The following UTP20 variants were observed in gnomAD, a reference collection of about 807,000 sequenced individuals.
UTP20 encodes the protein UTP20 small subunit processome component.
Under a neutral mutation model 329.5 loss-of-function variants are expected in UTP20, and 164 were observed. That is an observed-to-expected ratio of 0.50 (90% CI 0.44 to 0.57). UTP20 has a LOEUF of 0.57. UTP20 is among the 20% of genes least tolerant of loss of function. The pLI, the probability that UTP20 is intolerant of heterozygous loss-of-function variation, is 0.00. For synonymous variants in UTP20, 1,151 were observed against 1,159.3 expected (o/e 0.99, Z 0.14); for missense variants, 3,055 against 3,284.2 (o/e 0.93, Z 1.71).
rs1869190329 is a variant in UTP20, at chr12:101,342,929, C to T, written c.4297-12C>T. 1.9e-6 allele frequency: 3 copies of T among 1,610,176 alleles called. No homozygotes were observed. The highest frequency in any genetic ancestry group is 2.5e-6 in the Non-Finnish European group (3 of 1,178,912). ...GCCTTCTTTTATATAACTTCAATGG[C>T]ATTTCTTATAGCTTAACGCCTTCGA... is the stretch of plus-strand genomic sequence containing the variant. On this transcript the variant is annotated splice_polypyrimidine_tract_variant and intron_variant, in intron 34 of 61. Coordinates refer to ENST00000261637, the MANE Select transcript of UTP20 (RefSeq NM_014503.3).
At chr12:101,303,322 A>G (rs558911359) in intron 15 of UTP20, among the ~76,000 whole-genome samples, 3 of 152,376 alleles carry the variant, frequency 2.0e-5, no homozygotes, top group South Asian at 2.1e-4. Flanking sequence ...AGTAAACTAT[A>G]TAGCGTGTTA....
chr12:101,280,459 G>T lies in UTP20; in HGVS notation c.45+132G>T. The T allele has an allele frequency of 5.4e-6, 6 of 1,115,938 alleles. No individual in the cohort carries two copies. In the South Asian group the frequency reaches 8.7e-5, roughly 16 times the overall value. 69.1% of individuals were successfully genotyped at this position (1,115,938 alleles called of 1,614,324 possible). A position where few individuals can be genotyped will look rare whatever the true frequency, so the allele number is the denominator to read the frequency against. On this transcript the variant is annotated intron_variant, in intron 1 of 61. Coordinates refer to ENST00000261637, the MANE Select transcript of UTP20 (RefSeq NM_014503.3). ...CACTTTCCTGGAGGCTCCGGCGAAA[G>T]AGGGAGACACTGGATGTAGTAAACA...
intron 48 of UTP20, 142 bp downstream of exon 48, chr12:101,368,118 G>C (rs1870159023): frequency 1.7e-6 from 1 of 594,818 alleles, no homozygotes; most frequent in East Asian, 2.8e-5. Flanking sequence ...GTTTTTTGGG[G>C]TTTTTGGGTT....
At position 101,366,607 on chromosome 12, in the gene UTP20, C is replaced by T. The variant is rs947252322; in HGVS notation, c.6175C>T (p.Leu2059Phe). The change falls in exon 47 of 62, where the codon CTT becomes TTT. Residue 2059 changes from leucine (L) to phenylalanine (F), a missense_variant. This residue lies in a region of UTP20 where 2,445 missense variants were observed against 2,575.5 expected (regional missense o/e 0.95). Coordinates refer to ENST00000261637, the MANE Select transcript of UTP20 (RefSeq NM_014503.3). ...PDPRLPPQSC[L>F]LLPPTPVRGG... ...TCCACGTCTACCACCCCAGAGCTGC[C>T]TTCTGCTTCCCCCAACTCCAGTTCG... 2 of 1,614,172 alleles carry T rather than the reference C, an allele frequency of 1.2e-6. No individual in the cohort carries two copies. Among genetic ancestry groups the T allele is most frequent in the African/African-American group, 1.3e-5 (1 of 75,048 alleles).
intron 14 of UTP20, among the ~76,000 whole-genome samples, chr12:101,302,219 C>T (rs1872539332): frequency 6.6e-6 from 1 of 152,162 alleles, no homozygotes; most frequent in Admixed American, 6.6e-5. Context: ...GTATGAGCCA[C>T]CATGACCAGC....
intron 22 of UTP20, among the ~76,000 whole-genome samples, chr12:101,318,392 T>C (rs1873043938): frequency 6.6e-6 from 1 of 152,226 alleles, no homozygotes; most frequent in South Asian, 2.1e-4. Context: ...AGTTCATCCA[T>C]TCAACAACTG....
chr12:101,313,508 G>C (rs970666129), intron 21 of UTP20, among the ~76,000 whole-genome samples: 11 of 152,150 alleles, frequency 7.2e-5, no homozygotes, highest in Non-Finnish European at 1.5e-4. Flanking sequence ...GTTGAGAATA[G>C]ACTGTAGAAT....
At chr12:101,359,253 A>T (rs553084337) in intron 43 of UTP20, among the ~76,000 whole-genome samples, 2 of 151,976 alleles carry the variant, frequency 1.3e-5, no homozygotes, top group African/African-American at 4.8e-5. Context: ...TTTAGTAGAG[A>T]TGGAGTTTCA....
At position 101,329,363 on chromosome 12, in the gene UTP20, C is replaced by G. The variant is rs1868677186; in HGVS notation, c.3331C>G (p.Leu1111Val). ...LEIVLKNISH[L>V]ISAYLPKILQ... is the part of the protein sequence containing the mutation. ...GATAGTATTGAAAAACATTAGTCAT[C>G]TGATCAGCGCATACCTGCCGAAGAT... Residue 1111 changes from leucine to valine, a missense_variant, in exon 27 of 62, where the codon CTG becomes GTG. Transcript: ENST00000261637. The G allele has an allele frequency of 6.2e-7, 1 of 1,614,096 alleles. No individual in the cohort carries two copies. The highest frequency in any genetic ancestry group is 1.1e-5 in the South Asian group (1 of 91,068).
chr12:101,324,562 G>A (rs1436704522), intron 25 of UTP20, among the ~76,000 whole-genome samples: 1 of 152,090 alleles, frequency 6.6e-6, no homozygotes, highest in Non-Finnish European at 1.5e-5. Flanking sequence ...GAGCCACCAC[G>A]TCCAGCCAGA....
At chr12:101,384,837 G>A (rs1448451415) in intron 60 of UTP20, among the ~76,000 whole-genome samples, 2 of 152,270 alleles carry the variant, frequency 1.3e-5, no homozygotes, top group South Asian at 4.1e-4. Context: ...AATGGTAAAG[G>A]TTGAGGCTGC....
At chr12:101,298,350 G>A (rs80296737) in intron 12 of UTP20, among the ~76,000 whole-genome samples, 7,093 of 152,180 alleles carry the variant, frequency 0.047, 548 homozygotes, top group African/African-American at 0.16. Context: ...GAGAGGGAAC[G>A]TTTGGTCCAA....
intron 26 of UTP20, among the ~76,000 whole-genome samples, chr12:101,327,710 C>G (rs1868614570): frequency 6.6e-6 from 1 of 152,198 alleles, no homozygotes; most frequent in Non-Finnish European, 1.5e-5. Flanking sequence ...ACAATCTCTG[C>G]CCTCAACCTG....
chr12:101,309,141 C>A (rs1024579431), intron 18 of UTP20, among the ~76,000 whole-genome samples: 4 of 152,162 alleles, frequency 2.6e-5, no homozygotes, highest in Non-Finnish European at 5.9e-5. Context: ...TCAGTCAGAG[C>A]AGTTCTTCTC....
At chr12:101,306,525 AC>A (rs1872644927) in intron 16 of UTP20, among the ~76,000 whole-genome samples, 173 bp from the exon 17 acceptor site, 1 of 152,200 alleles carries the variant, frequency 6.6e-6, no homozygotes, top group Non-Finnish European at 1.5e-5. Context: ...TACTATTTTA[AC>A]TAGGTGTTGG....
chr12:101,344,206 A>T (rs1222735015), intron 35 of UTP20, among the ~76,000 whole-genome samples: 1 of 152,250 alleles, frequency 6.6e-6, no homozygotes, highest in East Asian at 1.9e-4. Context: ...CCCTACACTC[A>T]CTTTGACATT....
At position 101,367,852 on chromosome 12, in the gene UTP20, T is replaced by C. The variant is rs1870145836; in HGVS notation, c.6268-8T>C. 6.3e-7 allele frequency: 1 copy of C among 1,598,594 alleles called. No homozygotes were observed. The highest frequency in any genetic ancestry group is 1.3e-5 in the African/African-American group (1 of 74,602). On this transcript the variant is annotated splice_polypyrimidine_tract_variant and splice_region_variant and intron_variant, in intron 47 of 61. Transcript: ENST00000261637. ...ACTAATGTGAAATACCTGTTTGAACTCTCTTAGCTGCTGCATCTGAGTCTG... is the reference window on the plus strand; with the variant it reads ...ACTAATGTGAAATACCTGTTTGAACCCTCTTAGCTGCTGCATCTGAGTCTG...
At chr12:101,354,290 G>GAAATTCA (rs1869641955) in intron 40 of UTP20, among the ~76,000 whole-genome samples, 1 of 125,100 alleles carries the variant, frequency 8.0e-6, no homozygotes, top group African/African-American at 3.2e-5. Context: ...AAAAAGAAAA[G>GAAATTCA]AAATTCAATC....
intron 21 of UTP20, 87 bp from the exon 22 acceptor site, chr12:101,317,391 T>C (rs1386993910): frequency 3.6e-6 from 5 of 1,397,682 alleles, no homozygotes; most frequent in Non-Finnish European, 4.9e-6. Context: ...TTCTGTGAAC[T>C]GTGGACATCT....
Sources: allele counts gnomAD v4.1 joint callset (sites outside exome capture counted in the v4.1 genomes callset), GRCh38; gene constraint gnomAD v4.1.1; regional missense constraint gnomAD v4.1.1; transcripts MANE v1.5; gene names NCBI Gene and HGNC (gene_info 2026-07-23, HGNC 2026-07-21).